Variants in ADGRL2 observed in about 807,000 individuals in gnomAD.
The protein encoded by ADGRL2 is calcium-independent alpha-latrotoxin receptor 2.
In ADGRL2, 44 loss-of-function variants were observed where a neutral mutation model predicts 157.4. The observed-to-expected ratio is 0.28, with a 90% CI of 0.22 to 0.36. The LOEUF (loss-of-function observed/expected upper bound fraction) is 0.36. Among genes scored for constraint, ADGRL2 ranks in the 10% least tolerant of loss-of-function variants. The pLI, the probability that ADGRL2 is intolerant of heterozygous loss-of-function variation, is 1.00. For missense variants in ADGRL2, 1,510 were observed against 1,768.9 expected (o/e 0.85, Z 2.63); for synonymous variants, 585 against 624.7 (o/e 0.94, Z 0.95).
At chr1:81,587,372 C>CA (rs955244023) in intron 3 of ADGRL2, among the ~76,000 whole-genome samples, 2 of 151,770 alleles carry the variant, frequency 1.3e-5, no homozygotes, top group African/African-American at 4.8e-5. Context: ...AATAATTTCA[C>CA]AAAAAAGTTA....
chr1:81,631,460 G>A (rs1026223569), intron 3 of ADGRL2, among the ~76,000 whole-genome samples: 6 of 151,942 alleles, frequency 3.9e-5, no homozygotes, highest in African/African-American at 7.3e-5. Context: ...CAAGTAATCC[G>A]CCTCCCAAAG....
intron 1 of ADGRL2, among the ~76,000 whole-genome samples, chr1:81,386,593 A>T (rs770541672): frequency 1.2e-4 from 18 of 152,116 alleles, no homozygotes; most frequent in Non-Finnish European, 2.2e-4. Flanking sequence ...AGAATATATT[A>T]CCAAGCTAGA....
At chr1:81,467,909 CAG>C (rs1452965880) in intron 2 of ADGRL2, among the ~76,000 whole-genome samples, 25 of 151,948 alleles carry the variant, frequency 1.6e-4, no homozygotes, top group Admixed American at 5.2e-4. Flanking sequence ...AAAAAAAAAT[CAG>C]AATTGAAATT....
In ADGRL2 at chr1:81,792,107, G is replaced by A. The variant is rs996179895; in HGVS notation, c.-101+30255G>A. Among the ~76,000 whole-genome samples the A allele has an allele frequency of 7.9e-5, 12 of 152,266 alleles. No homozygotes were observed. In the South Asian group the frequency reaches 1.7e-3, roughly 21 times the overall value. On this transcript the variant is annotated intron_variant, in intron 2 of 20. Transcript: ENST00000359929. ...TTACCATTCTCCAGCAGCACCTAGA[G>A]CACTGAATTGAGGAAAGCAGGTTCC...
At chr1:81,329,743 G>A (rs907708818) in intron 1 of ADGRL2, among the ~76,000 whole-genome samples, 1 of 152,112 alleles carries the variant, frequency 6.6e-6, no homozygotes, top group Admixed American at 6.6e-5. Context: ...GAAACTTTGA[G>A]ATGATAGGCA....
intron 1 of ADGRL2, among the ~76,000 whole-genome samples, chr1:81,710,626 TAA>T (rs373944276): frequency 1.9e-3 from 251 of 132,402 alleles, no homozygotes; most frequent in Middle Eastern, 7.7e-3. Context: ...CTCAAAAAAT[TAA>T]AAAAAAAAAA....
intron 2 of ADGRL2, among the ~76,000 whole-genome samples, chr1:81,459,041 G>A (rs957650180): frequency 6.6e-6 from 1 of 152,130 alleles, no homozygotes; most frequent in African/African-American, 2.4e-5. Context: ...GTGTGAGAGG[G>A]GACCCAAAAG....
chr1:81,407,078 C>T (rs925391076), intron 1 of ADGRL2, among the ~76,000 whole-genome samples: 4 of 152,144 alleles, frequency 2.6e-5, no homozygotes, highest in Admixed American at 2.6e-4. Context: ...ATATTTCCTC[C>T]CGTCTCCAGA....
intron 1 of ADGRL2, among the ~76,000 whole-genome samples, chr1:81,322,648 C>A (rs776205070): frequency 1.1e-4 from 17 of 152,018 alleles, no homozygotes; most frequent in Non-Finnish European, 2.4e-4. Flanking sequence ...TAGATCACAT[C>A]TGGCATATTA....
At chr1:81,587,230 A>C (rs1168832464) in intron 3 of ADGRL2, among the ~76,000 whole-genome samples, 1 of 152,118 alleles carries the variant, frequency 6.6e-6, no homozygotes, top group Non-Finnish European at 1.5e-5. Flanking sequence ...GAAGTGAAAA[A>C]CATGTTAATA....
chr1:81,441,261 A>G (rs956656757), intron 1 of ADGRL2, among the ~76,000 whole-genome samples: 1 of 152,194 alleles, frequency 6.6e-6, no homozygotes, highest in African/African-American at 2.4e-5. Flanking sequence ...TTAAATATTG[A>G]TAAAATTATT....
chr1:81,832,475 GT>G (rs1221349607), intron 1 of ADGRL2, among the ~76,000 whole-genome samples: 2 of 152,262 alleles, frequency 1.3e-5, no homozygotes, highest in African/African-American at 4.8e-5. Flanking sequence ...TCCTCAGGCA[GT>G]TTTTTTGAAT....
intron 1 of ADGRL2, among the ~76,000 whole-genome samples, chr1:81,364,710 T>C (rs892665637): frequency 2.0e-5 from 3 of 152,050 alleles, no homozygotes; most frequent in Admixed American, 2.0e-4. Context: ...ATTCTTTTTT[T>C]TTTTTTCGAG....
chr1:81,339,717 C>T (rs891284578), intron 1 of ADGRL2, among the ~76,000 whole-genome samples: 2 of 152,184 alleles, frequency 1.3e-5, no homozygotes, highest in Admixed American at 1.3e-4. Flanking sequence ...ACCTGTTATA[C>T]ACATGATTTC....
At chr1:81,833,225 A>G (rs1261694701) in intron 1 of ADGRL2, among the ~76,000 whole-genome samples, 1 of 152,228 alleles carries the variant, frequency 6.6e-6, no homozygotes, top group Non-Finnish European at 1.5e-5. Context: ...GGCTTACCTA[A>G]AACATTAATG....
rs567386445 is a variant in ADGRL2, at chr1:81,360,561, G to A, written c.-302+54052G>A. Reference sequence around the variant, plus strand: ...TACAATTTTATGCAGGTTCATTTATGCATTGTTTTTAGTATCTTTTTAAAA... The same window carrying A: ...TACAATTTTATGCAGGTTCATTTATACATTGTTTTTAGTATCTTTTTAAAA... On this transcript the variant is annotated intron_variant, in intron 1 of 24. Transcript: ENST00000370721. Among the ~76,000 whole-genome samples the A allele has an allele frequency of 2.0e-5, 3 of 152,002 alleles. No individual in the cohort carries two copies. In the East Asian group the frequency reaches 5.8e-4, roughly 29 times the overall value.
intron 2 of ADGRL2, among the ~76,000 whole-genome samples, chr1:81,509,356 T>A (rs1350913216): frequency 6.6e-6 from 1 of 151,354 alleles, no homozygotes; most frequent in African/African-American, 2.4e-5. Context: ...TCGGAAAAAA[T>A]ACCTAAGTGA....
At chr1:81,473,203 T>G (rs1571070439) in intron 2 of ADGRL2, among the ~76,000 whole-genome samples, 2 of 152,270 alleles carry the variant, frequency 1.3e-5, no homozygotes, top group East Asian at 3.9e-4. Flanking sequence ...AGGCTCAGTA[T>G]GTTAAATTGA....
chr1:81,359,872 T>A (rs1360780510), intron 1 of ADGRL2, among the ~76,000 whole-genome samples: 1 of 151,984 alleles, frequency 6.6e-6, no homozygotes, highest in Admixed American at 6.6e-5. Context: ...CTTTCCCTCA[T>A]CCTTCCCACA....
Sources: gnomAD v4.1 joint callset for allele counts (sites outside exome capture counted in the v4.1 genomes callset) on GRCh38, gnomAD v4.1.1 for gene constraint, MANE v1.5 for transcripts, NCBI Gene and HGNC (gene_info 2026-07-23, HGNC 2026-07-21) for gene names.